The following SEMA3A variants were observed in gnomAD, a reference collection of about 807,000 sequenced individuals.
SEMA3A encodes the protein semaphorin-3A.
A neutral mutation model predicts 97.9 loss-of-function variants in SEMA3A; 29 were observed. That is an observed-to-expected ratio of 0.30 (90% confidence interval 0.22 to 0.40). The LOEUF is 0.40. Among genes scored for constraint, SEMA3A ranks in the 10% least tolerant of loss-of-function variants. The pLI is 1.00. For missense variants in SEMA3A, 763 were observed against 951.3 expected, an observed-to-expected ratio of 0.80 and a Z score of 2.60; for synonymous variants, 321 against 323.7, an observed-to-expected ratio of 0.99 and a Z score of 0.09.
chr7:84,293,849 T>G (rs1800807576), intron 3 of SEMA3A, among the ~76,000 whole-genome samples: 1 of 152,070 alleles, frequency 6.6e-6, no homozygotes, highest in Non-Finnish European at 1.5e-5. Context: ...ACAACAGCCT[T>G]TTCCATACCC....
intron 3 of SEMA3A, among the ~76,000 whole-genome samples, chr7:84,252,864 C>T (rs942539821): frequency 4.6e-5 from 7 of 151,800 alleles, no homozygotes; most frequent in Admixed American, 6.6e-5. Flanking sequence ...GCTGAAGTTA[C>T]TTATCTTTAT....
At chr7:84,133,289 C>T (rs1258517389) in intron 2 of SEMA3A, among the ~76,000 whole-genome samples, 1 of 152,002 alleles carries the variant, frequency 6.6e-6, no homozygotes, top group East Asian at 1.9e-4. Context: ...AATCAAATTT[C>T]TTTATGTTGT....
At chr7:84,014,462 G>A (rs1791012522) in intron 6 of SEMA3A, 111 bp from the exon 7 acceptor site, 5 of 804,654 alleles carry the variant, frequency 6.2e-6, no homozygotes, top group East Asian at 2.8e-5. Context: ...TTCAAGAAAC[G>A]TATCTTTCGT....
At chr7:84,097,751 T>C (rs570375647) in intron 4 of SEMA3A, among the ~76,000 whole-genome samples, 46 of 152,158 alleles carry the variant, frequency 3.0e-4, no homozygotes, top group Non-Finnish European at 6.5e-4. Context: ...TATTCTATCA[T>C]TTTTACAGAA....
intron 4 of SEMA3A, among the ~76,000 whole-genome samples, chr7:84,072,951 G>A (rs1430085185): frequency 6.6e-6 from 1 of 152,028 alleles, no homozygotes; most frequent in Non-Finnish European, 1.5e-5. Flanking sequence ...AGCTAATAAT[G>A]GAGGGAATAA....
intron 3 of SEMA3A, among the ~76,000 whole-genome samples, chr7:84,245,730 T>C (rs1365720566): frequency 2.6e-5 from 4 of 152,042 alleles, no homozygotes; most frequent in Non-Finnish European, 5.9e-5. Flanking sequence ...CTGGAAACTT[T>C]GTCCCAGAGG....
intron 9 of SEMA3A, among the ~76,000 whole-genome samples, chr7:84,010,075 TTA>T (rs1790819432): frequency 6.6e-6 from 1 of 152,072 alleles, no homozygotes; most frequent in Admixed American, 6.5e-5. Context: ...TTTATTTTGT[TTA>T]TGTCTTTTTA....
intron 2 of SEMA3A, among the ~76,000 whole-genome samples, chr7:84,352,873 G>C (rs1212292409): frequency 1.3e-5 from 2 of 151,724 alleles, no homozygotes; most frequent in Non-Finnish European, 3.0e-5. Flanking sequence ...ATCAAATCAA[G>C]AAACTGATCT....
intron 1 of SEMA3A, among the ~76,000 whole-genome samples, chr7:84,418,792 G>T (rs1476508627): frequency 6.6e-6 from 1 of 151,944 alleles, no homozygotes; most frequent in Non-Finnish European, 1.5e-5. Flanking sequence ...CTTGGACTGA[G>T]CCATGCTGCT....
At chr7:84,333,315 C>A (rs1489641982) in intron 2 of SEMA3A, among the ~76,000 whole-genome samples, 1 of 152,072 alleles carries the variant, frequency 6.6e-6, no homozygotes, top group Non-Finnish European at 1.5e-5. Context: ...AAGAAAGTAT[C>A]CTCCACTGGC....
intron 1 of SEMA3A, among the ~76,000 whole-genome samples, chr7:84,397,868 G>A (rs1407310131): frequency 2.6e-5 from 4 of 152,028 alleles, no homozygotes; most frequent in Non-Finnish European, 4.4e-5. Context: ...CCATTTCTGG[G>A]AGAGTGACAA....
intron 6 of SEMA3A, among the ~76,000 whole-genome samples, chr7:84,025,558 T>A (rs1312049698): frequency 6.6e-6 from 1 of 152,138 alleles, no homozygotes. Context: ...TAGAATAACC[T>A]CTGGCTGCCA....
chr7:84,189,614 C>G (rs527578191), intron 1 of SEMA3A, among the ~76,000 whole-genome samples: 2 of 151,736 alleles, frequency 1.3e-5, no homozygotes, highest in South Asian at 2.1e-4. Flanking sequence ...ATGCAAGTTT[C>G]TTAAAATGCA....
rs75526924 is a variant in SEMA3A at position 84,447,135 on chromosome 7, G to A, written c.-246+45325C>T. The stretch of plus-strand genomic sequence containing the variant: ...GACCTGGCCAGGTGTGCACACATGT[G>A]GGGTGGTGCTGACATGCCAGCCCCC... On this transcript the variant is annotated intron_variant, in intron 1 of 3. Coordinates refer to the SEMA3A transcript ENST00000424555. 0.014 allele frequency among the ~76,000 whole-genome samples: 2,090 copies of A among 152,296 alleles called. 82 individuals carry two copies. The East Asian group carries it at 0.16, about 11-fold the overall frequency.
chr7:84,262,397 T>C (rs1265335556), intron 3 of SEMA3A, among the ~76,000 whole-genome samples: 1 of 152,062 alleles, frequency 6.6e-6, no homozygotes, highest in Admixed American at 6.5e-5. Context: ...GTATTTTTAC[T>C]AGAGACAGGG....
At chr7:84,481,310 G>T (rs971751106) in intron 1 of SEMA3A, among the ~76,000 whole-genome samples, 1 of 152,114 alleles carries the variant, frequency 6.6e-6, no homozygotes, top group African/African-American at 2.4e-5. Context: ...GCTGCAAAGG[G>T]TGGGACTAAA....
At chr7:84,442,186 C>T (rs896681674) in intron 1 of SEMA3A, among the ~76,000 whole-genome samples, 8 of 152,136 alleles carry the variant, frequency 5.3e-5, no homozygotes, top group African/African-American at 1.9e-4. Flanking sequence ...TATGTATTTG[C>T]CTAAAACTAA....
At chr7:84,173,762 C>T (rs1301186218) in intron 1 of SEMA3A, among the ~76,000 whole-genome samples, 1 of 152,044 alleles carries the variant, frequency 6.6e-6, no homozygotes, top group Non-Finnish European at 1.5e-5. Context: ...TGGGTACCAG[C>T]CCATGGCAGA....
intron 12 of SEMA3A, among the ~76,000 whole-genome samples, chr7:83,994,670 C>T (rs945358464): frequency 4.7e-5 from 7 of 148,050 alleles, no homozygotes; most frequent in South Asian, 4.5e-4. Context: ...GCAGTCTGCC[C>T]GTTCTCAGAT....
Sources: gnomAD v4.1 joint callset for allele counts (sites outside exome capture counted in the v4.1 genomes callset) on GRCh38, gnomAD v4.1.1 for gene constraint, MANE v1.5 for transcripts, NCBI Gene and HGNC (gene_info 2026-07-23, HGNC 2026-07-21) for gene names.